Variants in FARP1 observed in about 807,000 individuals in gnomAD.
FARP1 encodes FERM, ARH/RhoGEF and pleckstrin domain protein 1, also known as FERM, ARHGEF and pleckstrin domain-containing protein 1.
FARP1 carries 52 observed loss-of-function variants against 128.8 expected under a neutral mutation model. That is an observed-to-expected ratio of 0.40 (90% CI 0.32 to 0.51). FARP1 has a LOEUF of 0.51. Ranked by LOEUF, FARP1 falls within the 20% of genes least tolerant of loss-of-function variation. The pLI is 0.45. For missense variants in FARP1, 1,333 were observed against 1,367.9 expected, an observed-to-expected ratio of 0.97 and a Z score of 0.40; for synonymous variants, 580 against 551.8, an observed-to-expected ratio of 1.05 and a Z score of -0.72.
chr13:98,440,939 TGGC>T, intron 24 of FARP1, 103 bp downstream of exon 24: 1 of 1,178,644 alleles, frequency 8.5e-7, no homozygotes, highest in African/African-American at 1.5e-5. Context: ...GGACTGTGGG[TGGC>T]CCCACCTACC....
intron 2 of FARP1, chr13:98,329,526 CT>C (rs938912216): frequency 5.3e-5 from 8 of 152,066 alleles, no homozygotes; most frequent in African/African-American, 1.9e-4. Context: ...GCCGACCGTG[CT>C]GGCGTGCACC....
chr13:98,145,920 T>G (rs9943881), intron 1 of FARP1, among the ~76,000 whole-genome samples: 1,533 of 152,142 alleles, frequency 0.01, 26 homozygotes, highest in African/African-American at 0.035. Context: ...TTTGTTTTGT[T>G]TTTTGGTTAA....
chr13:98,329,040 A>G (rs1887364295), intron 2 of FARP1: 1 of 152,208 alleles, frequency 6.6e-6, no homozygotes, highest in African/African-American at 2.4e-5. Flanking sequence ...CAACACATCG[A>G]TGGAGTCATA....
At chr13:98,199,891 G>A (rs1326054856) in intron 1 of FARP1, among the ~76,000 whole-genome samples, 1 of 152,154 alleles carries the variant, frequency 6.6e-6, no homozygotes, top group Non-Finnish European at 1.5e-5. Context: ...GAATCATTGA[G>A]AAATTGACAT....
intron 2 of FARP1, among the ~76,000 whole-genome samples, chr13:98,312,930 G>A (rs1886542485): frequency 6.6e-6 from 1 of 152,098 alleles, no homozygotes. Flanking sequence ...AAGTGGGCCA[G>A]GGTTTTCTTT....
Position 98,448,592 on chromosome 13 carries a change from A to ATCT in FARP1, c.*278_*280dup. ...TGTCATTACGAGAGTGCCAAATGACATCTTCCCTCCACCCTGCCCCTGAAA... is the reference window on the plus strand; with the variant it reads ...TGTCATTACGAGAGTGCCAAATGACATCTTCTTCCCTCCACCCTGCCCCTGAAA... On this transcript the variant is annotated 3_prime_UTR_variant, in exon 27 of 27. Transcript: ENST00000319562. 2.5e-6 allele frequency: 1 copy of ATCT among 406,200 alleles called. No homozygotes were observed. The highest frequency in any genetic ancestry group is 3.1e-5 in the South Asian group (1 of 32,234). 25.2% of individuals were successfully genotyped at this position (406,200 alleles called of 1,614,324 possible).
At chr13:98,429,661 G>A (rs761759507) in intron 17 of FARP1, among the ~76,000 whole-genome samples, 2 of 152,178 alleles carry the variant, frequency 1.3e-5, no homozygotes, top group African/African-American at 4.8e-5. Context: ...AAATGCGGGG[G>A]CCCCAGCTGA....
Position 98,435,630 on chromosome 13 carries a change from A to G in FARP1, c.2198A>G (p.Lys733Arg). 6.2e-7 allele frequency: 1 copy of G among 1,614,096 alleles called. No individual in the cohort carries two copies. Among genetic ancestry groups the G allele is most frequent in the Non-Finnish European group, 8.5e-7 (1 of 1,179,988 alleles). ...MVAQLHGTMI[K>R]MENFQKLHEL... is the part of the protein sequence containing the mutation. ...GCACAGCTCCACGGTACGATGATCA[A>G]GATGGAGAATTTCCAGAAGCTGCAC... The change falls in exon 19 of 27, where the codon AAG becomes AGG. Residue 733 changes from lysine to arginine, a missense_variant. Lys to Arg is a conservative substitution (Grantham distance 26, BLOSUM62 2). Transcript: ENST00000319562.
At position 98,451,202 on chromosome 13, in the gene FARP1, C is replaced by T. The variant is rs1399863267; in HGVS notation, c.*2885C>T. 6.6e-6 allele frequency: 1 copy of T among 152,184 alleles called. No homozygotes were observed. Among genetic ancestry groups the T allele is most frequent in the Non-Finnish European group, 1.5e-5 (1 of 68,042 alleles). The allele number at this position is 152,184 out of a possible 1,614,324, so 9.4% of individuals were successfully genotyped here. ...AAAAGCTGCTGTCCGCCCTGGCTCA[C>T]TTAAAAATCAGGTAACGGCACACCC... On this transcript the variant is annotated 3_prime_UTR_variant, in exon 27 of 27. Transcript: ENST00000319562.
At chr13:98,385,844 C>T (rs901058784) in intron 8 of FARP1, 30 bp downstream of exon 8, 1 of 1,609,748 alleles carries the variant, frequency 6.2e-7, no homozygotes. Context: ...GGCCTGGTTC[C>T]CTTGGTGACA....
intron 1 of FARP1, among the ~76,000 whole-genome samples, chr13:98,183,226 A>G (rs1878645398): frequency 6.6e-6 from 1 of 152,118 alleles, no homozygotes; most frequent in Non-Finnish European, 1.5e-5. Flanking sequence ...GCCTCTGTTT[A>G]CAGAAGCTTA....
At position 98,446,837 on chromosome 13, in the gene FARP1, G is replaced by A. The variant is rs769073107; in HGVS notation, c.3056+20G>A. On this transcript the variant is annotated intron_variant, in intron 26 of 26. Coordinates refer to ENST00000319562, the MANE Select transcript of FARP1 (RefSeq NM_005766.4). The stretch of plus-strand genomic sequence containing the variant: ...CGAAAGGTAGACACCCCCTTCCCAC[G>A]CACAGGGCCCTGCAGAAGAGGACCC... The A allele has an allele frequency of 1.8e-5, 29 of 1,613,112 alleles. No homozygotes were observed. Among genetic ancestry groups the A allele is most frequent in the Non-Finnish European group, 2.2e-5 (26 of 1,179,488 alleles).
chr13:98,202,374 A>G (rs894026151), intron 1 of FARP1, among the ~76,000 whole-genome samples: 6 of 152,164 alleles, frequency 3.9e-5, no homozygotes, highest in Non-Finnish European at 8.8e-5. Flanking sequence ...TGCTTTCAAC[A>G]TGGGGCACAG....
intron 2 of FARP1, among the ~76,000 whole-genome samples, chr13:98,256,967 A>ATATATG (rs1883643515): frequency 7.4e-6 from 1 of 134,784 alleles, no homozygotes; most frequent in Non-Finnish European, 1.6e-5. Flanking sequence ...ATATATATAT[A>ATATATG]TATATATATA....
intron 24 of FARP1, among the ~76,000 whole-genome samples, chr13:98,443,855 A>AC (rs1892637469): frequency 1.3e-5 from 2 of 152,392 alleles, no homozygotes; most frequent in African/African-American, 4.8e-5. Flanking sequence ...GGAGGAGGGA[A>AC]GGGACGGGGT....
intron 2 of FARP1, among the ~76,000 whole-genome samples, chr13:98,274,381 A>G (rs1884537796): frequency 6.6e-6 from 1 of 152,162 alleles, no homozygotes. Context: ...CAGGCTCCTT[A>G]CTGAGTTCAG....
intron 2 of FARP1, among the ~76,000 whole-genome samples, chr13:98,267,567 G>A (rs1296110882): frequency 2.6e-5 from 4 of 152,166 alleles, no homozygotes; most frequent in Non-Finnish European, 5.9e-5. Flanking sequence ...CTCAAATCCA[G>A]TTTCTATATC....
Position 98,446,162 on chromosome 13 carries a change from T to G in FARP1, c.2861T>G (p.Val954Gly), listed in dbSNP as rs1377971953. 1.9e-6 allele frequency: 3 copies of G among 1,613,922 alleles called. No homozygotes were observed. Among genetic ancestry groups the G allele is most frequent in the Non-Finnish European group, 2.5e-6 (3 of 1,179,850 alleles). Residue 954 changes from valine to glycine, a missense_variant, in exon 25 of 27, where the codon GTG becomes GGG. Val to Gly is a moderately radical substitution (Grantham distance 109). Transcript: ENST00000319562. ...AGCAACGGGTGGCAGAAGCTGTGGGTGGTGTTCACAAACTTCTGCCTGTTC... is the reference window on the plus strand; with the variant it reads ...AGCAACGGGTGGCAGAAGCTGTGGGGGGTGTTCACAAACTTCTGCCTGTTC... ...KNSNGWQKLW[V>G]VFTNFCLFFY...
chr13:98,227,870 A>G (rs1372401336), intron 2 of FARP1, among the ~76,000 whole-genome samples: 1 of 152,246 alleles, frequency 6.6e-6, no homozygotes, highest in East Asian at 1.9e-4. Flanking sequence ...TAAGCCAGTT[A>G]CAAAAAGAAA....
Sources: gnomAD v4.1 joint callset for allele counts (sites outside exome capture counted in the v4.1 genomes callset) on GRCh38, gnomAD v4.1.1 for gene constraint, MANE v1.5 for transcripts, NCBI Gene and HGNC (gene_info 2026-07-23, HGNC 2026-07-21) for gene names.